LRRC4C: variants seen among roughly 807,000 people sequenced by gnomAD.
LRRC4C encodes the protein leucine-rich repeat-containing protein 4C.
LRRC4C carries 5 observed loss-of-function variants against 33.6 expected under a neutral mutation model. The observed-to-expected ratio is 0.15, with a 90% confidence interval of 0.08 to 0.31. The LOEUF is 0.31. LRRC4C is among the 10% of genes least tolerant of loss of function. The pLI, the probability that LRRC4C is intolerant of heterozygous loss-of-function variation, is 1.00. For synonymous variants in LRRC4C, 329 were observed against 302.0 expected (o/e 1.09, Z -0.93); for missense variants, 560 against 796.7 (o/e 0.70, Z 3.58).
chr11:40,807,497 G>A (rs1157509995), intron 2 of LRRC4C, among the ~76,000 whole-genome samples: 1 of 151,780 alleles, frequency 6.6e-6, no homozygotes, highest in Non-Finnish European at 1.5e-5. Flanking sequence ...TGACCTTGTT[G>A]TGTAAAGGAC....
In LRRC4C at chr11:40,955,438, A is replaced by G. The variant is rs551069243; in HGVS notation, c.-495-21715T>C. Among the ~76,000 whole-genome samples the G allele has an allele frequency of 7.3e-5, 11 of 151,406 alleles. No individual in the cohort carries two copies. In the South Asian group the frequency reaches 1.0e-3, roughly 14 times the overall value. ...TTGTTTTCTTCATCACTGGGGGGGA[A>G]AAACACAAAAATTGAAATAAAAAAC... On this transcript the variant is annotated intron_variant, in intron 1 of 6. Transcript: ENST00000528697.
intron 2 of LRRC4C, among the ~76,000 whole-genome samples, chr11:40,696,805 T>C (rs1945584397): frequency 6.8e-6 from 1 of 147,562 alleles, no homozygotes; most frequent in African/African-American, 2.5e-5. Flanking sequence ...CATTCACCAT[T>C]TTAAATTAGT....
At chr11:40,227,100 C>G (rs2135972842) in intron 5 of LRRC4C, among the ~76,000 whole-genome samples, 1 of 152,266 alleles carries the variant, frequency 6.6e-6, no homozygotes, top group South Asian at 2.1e-4. Context: ...GCCACTCACA[C>G]AAAGAGTGTT....
chr11:40,140,625 T>G (rs149757464), intron 6 of LRRC4C, among the ~76,000 whole-genome samples, 176 bp downstream of exon 6: 162 of 152,224 alleles, frequency 1.1e-3, no homozygotes, highest in African/African-American at 3.7e-3. Flanking sequence ...TTGCGGCTTA[T>G]TTTTTGAAAT....
intron 5 of LRRC4C, among the ~76,000 whole-genome samples, chr11:40,240,403 T>A (rs1242697230): frequency 6.6e-6 from 1 of 152,128 alleles, no homozygotes; most frequent in East Asian, 1.9e-4. Flanking sequence ...CCGTCTATAG[T>A]CAACCAACAC....
intron 1 of LRRC4C, among the ~76,000 whole-genome samples, chr11:41,161,231 C>CT (rs1235327612): frequency 2.6e-5 from 4 of 152,208 alleles, no homozygotes; most frequent in African/African-American, 7.2e-5. Flanking sequence ...CCCATATGTC[C>CT]TGCTTACATA....
chr11:40,662,325 G>T (rs1319852623), intron 2 of LRRC4C, among the ~76,000 whole-genome samples: 1 of 152,108 alleles, frequency 6.6e-6, no homozygotes, highest in East Asian at 1.9e-4. Flanking sequence ...AATGCATGTG[G>T]ACACTCTAGC....
At chr11:40,632,157 A>G (rs1963527181) in intron 3 of LRRC4C, among the ~76,000 whole-genome samples, 1 of 152,214 alleles carries the variant, frequency 6.6e-6, no homozygotes, top group Non-Finnish European at 1.5e-5. Context: ...ATATTTGTTA[A>G]TCGGATTGTG....
rs1954114669 is a variant in LRRC4C, at chr11:41,403,796, T to C, written c.-496+55635A>G. Among the ~76,000 whole-genome samples, 3 of 152,172 alleles carry C rather than the reference T, an allele frequency of 2.0e-5. No individual in the cohort carries two copies. In the South Asian group the frequency reaches 6.2e-4, roughly 31 times the overall value. On this transcript the variant is annotated intron_variant, in intron 1 of 6. Transcript: ENST00000528697. ...CAGTGTCACTATCACTCACTGTTGA[T>C]TACATTTTTACCCTCTTCATCATGT...
At chr11:40,703,936 T>C (rs1946013597) in intron 2 of LRRC4C, among the ~76,000 whole-genome samples, 1 of 152,198 alleles carries the variant, frequency 6.6e-6, no homozygotes, top group Non-Finnish European at 1.5e-5. Context: ...AATAATTGCA[T>C]AGAAAATGTA....
chr11:41,216,235 A>G (rs1339595494), intron 1 of LRRC4C, among the ~76,000 whole-genome samples: 5 of 152,194 alleles, frequency 3.3e-5, no homozygotes, highest in African/African-American at 1.2e-4. Context: ...GAACAGAGAA[A>G]GATCTGAAAC....
intron 5 of LRRC4C, among the ~76,000 whole-genome samples, chr11:40,164,761 C>G (rs1409223645): frequency 6.6e-6 from 1 of 152,020 alleles, no homozygotes; most frequent in Non-Finnish European, 1.5e-5. Context: ...TGAAATGTTC[C>G]CAATACAAAT....
chr11:40,215,133 A>G (rs1350563524), intron 5 of LRRC4C, among the ~76,000 whole-genome samples: 2 of 152,124 alleles, frequency 1.3e-5, no homozygotes, highest in African/African-American at 2.4e-5. Flanking sequence ...TCTTCTTTCT[A>G]TTCTGTGTCC....
At chr11:41,013,571 T>C (rs905117853) in intron 1 of LRRC4C, among the ~76,000 whole-genome samples, 1 of 152,182 alleles carries the variant, frequency 6.6e-6, no homozygotes, top group South Asian at 2.1e-4. Flanking sequence ...TCATAGTCTG[T>C]TTGGGGTGCT....
rs77701191 is a variant in LRRC4C at position 41,117,710 on chromosome 11, G to C, written c.-495-183987C>G. ...TTAAATCAGTAAAAAGCATAAACCT[G>C]GTCTTTTGCCCCTACCCTCCAATAT... On this transcript the variant is annotated intron_variant, in intron 1 of 6. Coordinates refer to ENST00000528697, the MANE Select transcript of LRRC4C (RefSeq NM_001258419.2). 6.4e-3 allele frequency among the ~76,000 whole-genome samples: 972 copies of C among 151,912 alleles called. 11 individuals carry two copies. The highest frequency in any genetic ancestry group is 0.022 in the African/African-American group (896 of 41,440).
chr11:41,216,062 A>C (rs543557450), intron 1 of LRRC4C, among the ~76,000 whole-genome samples: 1 of 152,316 alleles, frequency 6.6e-6, no homozygotes, highest in African/African-American at 2.4e-5. Flanking sequence ...GCACACTGTA[A>C]CTGTGAAGGC....
At position 41,143,114 on chromosome 11, in the gene LRRC4C, G is replaced by C. The variant is rs566733499; in HGVS notation, c.-495-209391C>G. ...CTCTACGATAAAGAAATAAAGAAGG[G>C]TGTCCTTCTATGGAAAGTGCCACAA... On this transcript the variant is annotated intron_variant, in intron 1 of 6. Coordinates refer to ENST00000528697, the MANE Select transcript of LRRC4C (RefSeq NM_001258419.2). Among the ~76,000 whole-genome samples, 20 of 152,020 alleles carry C rather than the reference G, an allele frequency of 1.3e-4. No homozygotes were observed. In the South Asian group the frequency reaches 4.2e-3, roughly 32 times the overall value.
At chr11:40,582,513 G>GTTTT (rs35497785) in intron 3 of LRRC4C, among the ~76,000 whole-genome samples, 1 of 115,578 alleles carries the variant, frequency 8.7e-6, no homozygotes, top group Non-Finnish European at 1.7e-5. Flanking sequence ...CCCTTGTTCA[G>GTTTT]TTTTTTTTTT....
At chr11:41,079,813 G>C (rs766390535) in intron 1 of LRRC4C, among the ~76,000 whole-genome samples, 4 of 152,114 alleles carry the variant, frequency 2.6e-5, no homozygotes, top group Admixed American at 6.5e-5. Flanking sequence ...GCTATCATTA[G>C]TGTTAGTGTG....
Sources: allele counts gnomAD v4.1 joint callset (sites outside exome capture counted in the v4.1 genomes callset), GRCh38; gene constraint gnomAD v4.1.1; transcripts MANE v1.5; gene names NCBI Gene and HGNC (gene_info 2026-07-23, HGNC 2026-07-21).